The following PHF24 variants were observed in gnomAD, a reference collection of about 807,000 sequenced individuals.
PHF24 encodes the protein Galpha inhibitory interacting protein.
A neutral mutation model predicts 42.6 loss-of-function variants in PHF24; 25 were observed. The observed-to-expected ratio is 0.59, with a 90% CI of 0.43 to 0.82. PHF24 has a LOEUF of 0.82. PHF24 is among the 40% of genes least tolerant of loss of function. The pLI, the probability that PHF24 is intolerant of heterozygous loss-of-function variation, is 0.00. For missense variants in PHF24, 470 were observed against 538.1 expected (o/e 0.87, Z 1.25); for synonymous variants, 185 against 204.8 (o/e 0.90, Z 0.83).
At chr9:34,971,555 G>A in exon 2 of PHF24, 1 of 1,614,186 alleles carries the variant, frequency 6.2e-7, no homozygotes, top group Non-Finnish European at 8.5e-7. Flanking sequence ...CGAGATGGGC[G>A]CGGCGTGGAG....
the PHF24 span, among the ~76,000 whole-genome samples, chr9:34,841,627 G>A: frequency 3.6e-3 from 554 of 152,246 alleles, 2 homozygotes; most frequent in African/African-American, 0.013. Context: ...GGAGGCCGAG[G>A]CAGGCAGATT....
At chr9:34,900,256 A>G in the PHF24 span, among the ~76,000 whole-genome samples, 26 of 152,136 alleles carry the variant, frequency 1.7e-4, 1 homozygote, top group Non-Finnish European at 4.4e-5. Context: ...CAATATTGAG[A>G]ATGAGAGAGG....
chr9:34,942,813 CCA>C, the PHF24 span, among the ~76,000 whole-genome samples: 3 of 151,762 alleles, frequency 2.0e-5, no homozygotes, highest in African/African-American at 7.3e-5. Context: ...AACACTTGGA[CCA>C]AAGGCGGGGA....
the PHF24 span, among the ~76,000 whole-genome samples, chr9:34,859,841 A>G: frequency 6.6e-6 from 1 of 151,800 alleles, no homozygotes; most frequent in African/African-American, 2.4e-5. Context: ...TAGGCACTCT[A>G]CCTGCCTCTA....
At chr9:34,939,197 T>G in the PHF24 span, among the ~76,000 whole-genome samples, 1 of 152,138 alleles carries the variant, frequency 6.6e-6, no homozygotes, top group African/African-American at 2.4e-5. Flanking sequence ...GAGAATTGCT[T>G]GAACCCAGGA....
chr9:34,942,655 G>T, the PHF24 span, among the ~76,000 whole-genome samples: 1 of 152,132 alleles, frequency 6.6e-6, no homozygotes, highest in Admixed American at 6.5e-5. Flanking sequence ...TTTACTGATT[G>T]GAATTGAAAA....
chr9:34,864,699 C>G, the PHF24 span, among the ~76,000 whole-genome samples: 2 of 152,020 alleles, frequency 1.3e-5, no homozygotes, highest in Non-Finnish European at 2.9e-5. Flanking sequence ...AAGAAATCAT[C>G]AAAAGGTACA....
At chr9:34,874,763 C>T in the PHF24 span, among the ~76,000 whole-genome samples, 1 of 152,134 alleles carries the variant, frequency 6.6e-6, no homozygotes, top group Admixed American at 6.6e-5. Flanking sequence ...TGTCCGTTTT[C>T]ACTAGACCTT....
At chr9:34,884,025 C>T in the PHF24 span, among the ~76,000 whole-genome samples, 1 of 152,286 alleles carries the variant, frequency 6.6e-6, no homozygotes, top group African/African-American at 2.4e-5. Flanking sequence ...CCATGGAATA[C>T]TATGCAGTCA....
the PHF24 span, among the ~76,000 whole-genome samples, chr9:34,688,015 T>C: frequency 4.6e-5 from 7 of 151,936 alleles, no homozygotes; most frequent in Non-Finnish European, 8.8e-5. Context: ...ACTATCCCTA[T>C]CCCTCCCACC....
intron 1 of PHF24, among the ~76,000 whole-genome samples, chr9:34,968,618 G>C (rs1009713947): frequency 3.9e-5 from 6 of 152,332 alleles, no homozygotes; most frequent in Admixed American, 3.3e-4. Flanking sequence ...GAGCAGTGTA[G>C]GAGTTCGCAC....
At chr9:34,826,883 C>T in the PHF24 span, among the ~76,000 whole-genome samples, 13 of 152,184 alleles carry the variant, frequency 8.5e-5, no homozygotes, top group Non-Finnish European at 1.6e-4. Flanking sequence ...CTTCTTGCCT[C>T]TCTTCACCCT....
chr9:34,785,891 A>C, the PHF24 span, among the ~76,000 whole-genome samples: 2 of 152,230 alleles, frequency 1.3e-5, no homozygotes, highest in Admixed American at 6.5e-5. Context: ...GGGGAACATA[A>C]TTAGATATTG....
At chr9:34,693,726 T>G in the PHF24 span, among the ~76,000 whole-genome samples, 1 of 152,168 alleles carries the variant, frequency 6.6e-6, no homozygotes, top group Non-Finnish European at 1.5e-5. Flanking sequence ...TGAAATCTGA[T>G]GAAAAGTATG....
At chr9:34,915,092 G>A in the PHF24 span, among the ~76,000 whole-genome samples, 1 of 139,178 alleles carries the variant, frequency 7.2e-6, no homozygotes, top group African/African-American at 2.7e-5. Flanking sequence ...GAGTGCAGTG[G>A]CACGATCACA....
chr9:34,851,798 A>AT, the PHF24 span, among the ~76,000 whole-genome samples: 1 of 152,220 alleles, frequency 6.6e-6, no homozygotes, highest in Admixed American at 6.5e-5. Context: ...GTGTAAAAAA[A>AT]ACTCATCATG....
intron 1 of PHF24, among the ~76,000 whole-genome samples, chr9:34,960,520 C>T (rs1826554095): frequency 6.6e-6 from 1 of 152,138 alleles, no homozygotes; most frequent in African/African-American, 2.4e-5. Context: ...ATCTGATCAG[C>T]TTAACAGATC....
chr9:34,956,556 T>C (rs1337126274), upstream of PHF24, among the ~76,000 whole-genome samples: 1 of 152,176 alleles, frequency 6.6e-6, no homozygotes, highest in Non-Finnish European at 1.5e-5. Flanking sequence ...CTGGCCACAA[T>C]ATAAATTTTT....
the PHF24 span, among the ~76,000 whole-genome samples, chr9:34,679,461 T>C: frequency 6.6e-6 from 1 of 152,206 alleles, no homozygotes; most frequent in Admixed American, 6.5e-5. Context: ...TAAGGCCCCA[T>C]TCAGGGTGAT....
Sources: allele counts gnomAD v4.1 joint callset (sites outside exome capture counted in the v4.1 genomes callset), GRCh38; gene constraint gnomAD v4.1.1; transcripts MANE v1.5; gene names NCBI Gene and HGNC (gene_info 2026-07-23, HGNC 2026-07-21).